GPHN: variants seen among roughly 807,000 people sequenced by gnomAD.
The protein encoded by GPHN is gephyrin.
GPHN carries 17 observed loss-of-function variants against 95.5 expected under a neutral mutation model. The ratio of observed to expected loss-of-function variants is 0.18; its 90% CI spans 0.12 to 0.27. The LOEUF (loss-of-function observed/expected upper bound fraction) is 0.27. GPHN is among the 10% of genes least tolerant of loss of function. The pLI is 1.00. For missense variants in GPHN, 660 were observed against 978.1 expected, an observed-to-expected ratio of 0.67 and a Z score of 4.34; for synonymous variants, 320 against 322.5, an observed-to-expected ratio of 0.99 and a Z score of 0.08.
the GPHN span, chr14:67,684,884 TA>T: frequency 3.2e-6 from 2 of 624,038 alleles, no homozygotes; most frequent in Non-Finnish European, 5.2e-6. Context: ...TACTAAAAGG[TA>T]AAAACTCTAG....
intron 9 of GPHN, among the ~76,000 whole-genome samples, chr14:66,990,525 T>A (rs377002640): frequency 6.6e-6 from 1 of 152,318 alleles, no homozygotes; most frequent in African/African-American, 2.4e-5. Context: ...GAGCTGGATC[T>A]GAGGGTTACA....
At chr14:66,625,941 T>G (rs1471760990) in intron 1 of GPHN, among the ~76,000 whole-genome samples, 1 of 152,174 alleles carries the variant, frequency 6.6e-6, no homozygotes, top group Non-Finnish European at 1.5e-5. Context: ...GGTTATTAGG[T>G]AGGTATCCAG....
intron 2 of GPHN, among the ~76,000 whole-genome samples, chr14:66,740,104 G>A (rs2072666215): frequency 6.6e-6 from 1 of 152,008 alleles, no homozygotes; most frequent in Non-Finnish European, 1.5e-5. Flanking sequence ...ACAAGAAAGA[G>A]GTTCAAAACT....
the GPHN span, among the ~76,000 whole-genome samples, chr14:67,420,383 G>A: frequency 1.1e-4 from 16 of 152,368 alleles, no homozygotes; most frequent in South Asian, 3.3e-3. Flanking sequence ...CCAAGGCAGA[G>A]CTGTGAACGA....
chr14:67,049,544 C>T (rs2075204558), intron 10 of GPHN, among the ~76,000 whole-genome samples: 3 of 146,182 alleles, frequency 2.1e-5, no homozygotes, highest in South Asian at 2.2e-4. Context: ...GACAGAGTCT[C>T]GCTCTGTTGC....
chr14:67,143,283 G>T, intron 17 of GPHN, 79 bp from the exon 18 acceptor site: 2 of 865,626 alleles, frequency 2.3e-6, no homozygotes, highest in South Asian at 2.6e-5. Flanking sequence ...TAGTGAATAA[G>T]GCGATGTAGT....
the GPHN span, among the ~76,000 whole-genome samples, chr14:67,301,143 C>T: frequency 1.7e-4 from 26 of 151,722 alleles, no homozygotes; most frequent in Non-Finnish European, 3.7e-4. Context: ...GTGAAACGTT[C>T]AAGATGGAAG....
the GPHN span, chr14:67,572,121 C>G: frequency 1.2e-6 from 2 of 1,601,822 alleles, no homozygotes; most frequent in Non-Finnish European, 8.5e-7. Context: ...CTTGACTCCT[C>G]CTCCCTCGGC....
chr14:67,292,951 A>G, the GPHN span, among the ~76,000 whole-genome samples: 1 of 152,174 alleles, frequency 6.6e-6, no homozygotes, highest in Admixed American at 6.5e-5. Flanking sequence ...TTTATATATA[A>G]TCATAAATTT....
At chr14:66,727,088 A>G (rs1231419440) in intron 2 of GPHN, among the ~76,000 whole-genome samples, 2 of 152,114 alleles carry the variant, frequency 1.3e-5, no homozygotes, top group African/African-American at 2.4e-5. Context: ...ATGCTGTTCT[A>G]GTGAAAGTAG....
chr14:67,000,614 A>G (rs939742233), intron 9 of GPHN, among the ~76,000 whole-genome samples: 2 of 151,694 alleles, frequency 1.3e-5, no homozygotes, highest in Non-Finnish European at 1.5e-5. Flanking sequence ...GATAGTGTGA[A>G]GAAATCTTAG....
chr14:66,908,009 A>G (rs1378621296), intron 5 of GPHN, among the ~76,000 whole-genome samples: 1 of 152,108 alleles, frequency 6.6e-6, no homozygotes, highest in African/African-American at 2.4e-5. Flanking sequence ...TTACATACAG[A>G]AATATTTGTT....
At position 66,683,367 on chromosome 14, in the gene GPHN, T is replaced by TATATATATGTTC. The variant is rs1566812660; in HGVS notation, c.143+2190_143+2191insGTTCATATATAT. On this transcript the variant is annotated intron_variant, in intron 2 of 22. Coordinates refer to ENST00000478722, the MANE Select transcript of GPHN (RefSeq NM_020806.5). ...ATATATATATATATATATATATATA[T>TATATATATGTTC]ATATATATATATGTTCATATATATA... is the stretch of plus-strand genomic sequence containing the variant. 4.0e-3 allele frequency among the ~76,000 whole-genome samples: 76 copies of TATATATATGTTC among 18,912 alleles called. 20 individuals carry two copies. The highest frequency in any genetic ancestry group is 0.012 in the African/African-American group (74 of 6,148). The allele number at this position is 18,912 out of a possible 152,430, so 12.4% of individuals were successfully genotyped here.
At chr14:66,742,031 A>G (rs1368303962) in intron 2 of GPHN, among the ~76,000 whole-genome samples, 1 of 152,182 alleles carries the variant, frequency 6.6e-6, no homozygotes, top group Non-Finnish European at 1.5e-5. Flanking sequence ...CAAGGGATAC[A>G]TGTCAAACGC....
At chr14:67,372,863 A>T in the GPHN span, among the ~76,000 whole-genome samples, 1 of 152,210 alleles carries the variant, frequency 6.6e-6, no homozygotes, top group African/African-American at 2.4e-5. Flanking sequence ...AAAACCCTGT[A>T]TCTAAACCAT....
the GPHN span, among the ~76,000 whole-genome samples, chr14:67,536,526 A>G: frequency 6.6e-6 from 1 of 151,714 alleles, no homozygotes; most frequent in Non-Finnish European, 1.5e-5. Context: ...TTGCCTTCCA[A>G]TGCCTCCTGC....
intron 12 of GPHN, among the ~76,000 whole-genome samples, chr14:67,100,041 G>T (rs578030620): frequency 6.6e-6 from 1 of 151,466 alleles, no homozygotes; most frequent in Non-Finnish European, 1.5e-5. Flanking sequence ...TTGTTATACT[G>T]TACATATTTT....
chr14:67,575,607 C>A, the GPHN span: 1 of 745,718 alleles, frequency 1.3e-6, no homozygotes, highest in Non-Finnish European at 2.4e-6. Context: ...TGGATCCCTC[C>A]AGAGTGTGAG....
chr14:66,902,948 A>G (rs1010982792), intron 5 of GPHN, among the ~76,000 whole-genome samples: 1 of 152,126 alleles, frequency 6.6e-6, no homozygotes, highest in African/African-American at 2.4e-5. Context: ...TTTCCAAACT[A>G]CCATCAGAGA....
Sources: allele counts gnomAD v4.1 joint callset (sites outside exome capture counted in the v4.1 genomes callset), GRCh38; gene constraint gnomAD v4.1.1; transcripts MANE v1.5; gene names NCBI Gene and HGNC (gene_info 2026-07-23, HGNC 2026-07-21).